Variants in CIB4 observed in about 807,000 individuals in gnomAD.
The protein encoded by CIB4 is calcium and integrin-binding family member 4.
In CIB4, 25 loss-of-function variants were observed where a neutral mutation model predicts 25.8. That is an observed-to-expected ratio of 0.97 (90% confidence interval 0.71 to 1.35). CIB4 has a LOEUF of 1.35. Ranked by LOEUF, CIB4 falls within the 40% of genes most tolerant of loss-of-function variation. CIB4 has a pLI of 0.00. For synonymous variants in CIB4, 75 were observed against 81.4 expected (o/e 0.92, Z 0.42); for missense variants, 235 against 228.2 (o/e 1.03, Z -0.19).
rs1558550475 is a variant in CIB4, at chr2:26,581,261, C to T, written c.*102G>A. The T allele has an allele frequency of 2.2e-6, 2 of 909,566 alleles. No homozygotes were observed. Among genetic ancestry groups the T allele is most frequent in the East Asian group, 2.4e-5 (1 of 41,530 alleles). 56.3% of individuals were successfully genotyped at this position (909,566 alleles called of 1,614,324 possible). A position where few individuals can be genotyped will look rare whatever the true frequency, so the allele number is the denominator to read the frequency against. ...CAATATTCTAGAGGTGAGTGTGGGCCCAGTACAAAGTCATACTTCAAACCA... is the reference window on the plus strand; with the variant it reads ...CAATATTCTAGAGGTGAGTGTGGGCTCAGTACAAAGTCATACTTCAAACCA... On this transcript the variant is annotated 3_prime_UTR_variant, in exon 7 of 7. Transcript: ENST00000288861.
In CIB4 at chr2:26,595,317, C is replaced by A; in HGVS notation, c.187G>T (p.Val63Phe). Residue 63 changes from valine to phenylalanine, a missense_variant and splice_region_variant, in exon 4 of 7, where the codon GTC (valine) becomes TTC (phenylalanine). Physicochemically the swap from Val to Phe is conservative, Grantham distance 50. Transcript: ENST00000288861. ...CAGATACGGTCTCTGAAAGGGTTGACCTGTGGGCGACAGGAGGAGCAGGGA... is the reference window on the plus strand; with the variant it reads ...CAGATACGGTCTCTGAAAGGGTTGAACTGTGGGCGACAGGAGGAGCAGGGA... ...DQVSSLPALR[V>F]NPFRDRICRV... The A allele has an allele frequency of 1.9e-6, 3 of 1,611,592 alleles. No homozygotes were observed. The highest frequency in any genetic ancestry group is 2.5e-6 in the Non-Finnish European group (3 of 1,178,036).
At chr2:26,639,317 GATAT>G (rs371350317) in intron 2 of CIB4, among the ~76,000 whole-genome samples, 42 of 151,870 alleles carry the variant, frequency 2.8e-4, no homozygotes, top group African/African-American at 9.7e-4. Context: ...ATCTACATTA[GATAT>G]TTCTCTTCAT....
chr2:26,601,239 T>A (rs1213564601), intron 3 of CIB4, among the ~76,000 whole-genome samples: 4,700 of 15,984 alleles, frequency 0.29, 279 homozygotes, highest in Non-Finnish European at 0.43. Context: ...AAAATATATA[T>A]ATATATATAT....
chr2:26,635,961 C>T (rs957615564), intron 2 of CIB4, among the ~76,000 whole-genome samples: 4 of 152,136 alleles, frequency 2.6e-5, no homozygotes, highest in Admixed American at 1.3e-4. Context: ...ACAAATACTC[C>T]ATACCCCACA....
chr2:26,603,838 T>A (rs1032080184), intron 3 of CIB4, among the ~76,000 whole-genome samples: 2 of 148,598 alleles, frequency 1.3e-5, no homozygotes, highest in East Asian at 2.0e-4. Flanking sequence ...ATCTCTATTT[T>A]AAAAAAATAC....
intron 6 of CIB4, among the ~76,000 whole-genome samples, chr2:26,581,884 T>G (rs952139348): frequency 1.3e-5 from 2 of 152,096 alleles, no homozygotes; most frequent in Non-Finnish European, 2.9e-5. Flanking sequence ...TCTCTGGGGA[T>G]TTGGAGTCAG....
chr2:26,622,880 G>A (rs965767573), intron 3 of CIB4, among the ~76,000 whole-genome samples: 2 of 152,134 alleles, frequency 1.3e-5, no homozygotes, highest in Non-Finnish European at 2.9e-5. Flanking sequence ...CTACTCAGAA[G>A]GCTGGGGCAG....
intron 2 of CIB4, among the ~76,000 whole-genome samples, chr2:26,638,496 C>T (rs1669574913): frequency 6.6e-6 from 1 of 152,208 alleles, no homozygotes. Context: ...GTCCACCACC[C>T]CATGCTCTCT....
chr2:26,599,429 G>C (rs1158623817), intron 3 of CIB4, among the ~76,000 whole-genome samples: 1 of 152,112 alleles, frequency 6.6e-6, no homozygotes, highest in Non-Finnish European at 1.5e-5. Flanking sequence ...TATTGAACAA[G>C]AGATTTGATT....
rs530705688 is a variant in CIB4 at position 26,611,299 on chromosome 2, T to A, written c.187-15982A>T. On this transcript the variant is annotated intron_variant, in intron 3 of 6. Coordinates refer to ENST00000288861, the MANE Select transcript of CIB4 (RefSeq NM_001029881.3). Reference sequence around the variant, plus strand: ...CATCTGGGAAGTTCTCACATAATACTGTCCGTGGGAGGATGGAGAGAATGG... The same window carrying A: ...CATCTGGGAAGTTCTCACATAATACAGTCCGTGGGAGGATGGAGAGAATGG... Among the ~76,000 whole-genome samples the A allele has an allele frequency of 3.9e-5, 6 of 152,340 alleles. No individual in the cohort carries two copies. The South Asian group carries it at 1.2e-3, about 32-fold the overall frequency.
chr2:26,615,877 C>A (rs1669082515), intron 3 of CIB4, among the ~76,000 whole-genome samples: 1 of 152,244 alleles, frequency 6.6e-6, no homozygotes, highest in Non-Finnish European at 1.5e-5. Flanking sequence ...ATTCTGAGCC[C>A]TGCTAACTGA....
chr2:26,589,005 CTT>C (rs1558554629), intron 4 of CIB4, among the ~76,000 whole-genome samples: 10 of 18,880 alleles, frequency 5.3e-4, no homozygotes, highest in African/African-American at 1.5e-3. Flanking sequence ...TCTTCTTCTT[CTT>C]CTTCTTCTTC....
At chr2:26,597,764 G>A (rs1287195765) in intron 3 of CIB4, among the ~76,000 whole-genome samples, 2 of 151,636 alleles carry the variant, frequency 1.3e-5, no homozygotes, top group South Asian at 2.1e-4. Context: ...ATATTATTGC[G>A]GGGGATTTGT....
At position 26,581,219 on chromosome 2, in the gene CIB4, T is replaced by C. The variant is rs1286618598; in HGVS notation, c.*144A>G. ...ATCTGATGGGCTAAGGAAAAGCTTT[T>C]TCTTTTATCTAATAAACAATATTCT... On this transcript the variant is annotated 3_prime_UTR_variant, in exon 7 of 7. Coordinates refer to ENST00000288861, the MANE Select transcript of CIB4 (RefSeq NM_001029881.3). The C allele has an allele frequency of 5.9e-6, 4 of 674,452 alleles. No individual in the cohort carries two copies. Among genetic ancestry groups the C allele is most frequent in the African/African-American group, 1.8e-5 (1 of 55,248 alleles). The allele number at this position is 674,452 out of a possible 1,614,324, so 41.8% of individuals were successfully genotyped here.
At chr2:26,583,667 A>T (rs1367199190) in intron 5 of CIB4, 122 bp downstream of exon 5, 3 of 697,984 alleles carry the variant, frequency 4.3e-6, no homozygotes, top group Admixed American at 2.1e-5. Flanking sequence ...CCAATGTGTC[A>T]TCTGCCTCAG....
chr2:26,598,548 C>G (rs543963478), intron 3 of CIB4, among the ~76,000 whole-genome samples: 1 of 152,124 alleles, frequency 6.6e-6, no homozygotes, highest in Non-Finnish European at 1.5e-5. Context: ...GACACTGTCC[C>G]TGAGAGGATG....
At chr2:26,597,597 C>CT (rs1278041091) in intron 3 of CIB4, among the ~76,000 whole-genome samples, 29 of 152,276 alleles carry the variant, frequency 1.9e-4, no homozygotes, top group Admixed American at 3.3e-4. Flanking sequence ...TTACTATATC[C>CT]ATTAAAGGGA....
intron 3 of CIB4, among the ~76,000 whole-genome samples, chr2:26,608,681 A>G (rs1245410074): frequency 6.6e-6 from 1 of 152,114 alleles, no homozygotes; most frequent in East Asian, 1.9e-4. Context: ...CTGTGGGGAG[A>G]AGTGGTGTGA....
At position 26,632,455 on chromosome 2, in the gene CIB4, C is replaced by T. The variant is rs114831389; in HGVS notation, c.90-2949G>A. 8.3e-3 allele frequency among the ~76,000 whole-genome samples: 1,265 copies of T among 152,212 alleles called. 14 individuals carry two copies. Among genetic ancestry groups the T allele is most frequent in the African/African-American group, 0.028 (1,163 of 41,534 alleles). The stretch of plus-strand genomic sequence containing the variant: ...CCATCACTGCTGAAGTGTCCAGTGG[C>T]CTACAAGGGGCGAGGGGTAGGCCGG... On this transcript the variant is annotated intron_variant, in intron 2 of 6. Transcript: ENST00000288861.
Sources: allele counts gnomAD v4.1 joint callset (sites outside exome capture counted in the v4.1 genomes callset), GRCh38; gene constraint gnomAD v4.1.1; transcripts MANE v1.5; gene names NCBI Gene and HGNC (gene_info 2026-07-23, HGNC 2026-07-21).